The following XNDC1N variants were observed in gnomAD, a reference collection of about 807,000 sequenced individuals.
XNDC1N encodes protein XNDC1N.
At chr11:71,890,491 C>T in the XNDC1N span, among the ~76,000 whole-genome samples, 5 of 151,998 alleles carry the variant, frequency 3.3e-5, no homozygotes, top group African/African-American at 4.8e-5. Flanking sequence ...ATCATCCTCC[C>T]GCCCACTGGA....
the XNDC1N span, among the ~76,000 whole-genome samples, chr11:71,885,379 C>T: frequency 7.2e-5 from 11 of 152,130 alleles, no homozygotes; most frequent in Non-Finnish European, 1.3e-4. Context: ...TCAGCCCCTC[C>T]GCTTTGGAAT....
At chr11:71,884,923 T>G in the XNDC1N span, among the ~76,000 whole-genome samples, 1 of 146,564 alleles carries the variant, frequency 6.8e-6, no homozygotes, top group Non-Finnish European at 1.5e-5. Flanking sequence ...CTCTGACTCT[T>G]AGGACCCCCA....
the XNDC1N span, among the ~76,000 whole-genome samples, chr11:71,872,547 C>T: frequency 3.3e-4 from 29 of 87,722 alleles, no homozygotes; most frequent in East Asian, 9.2e-3. Flanking sequence ...CAGGAGGAAA[C>T]CCCATCTCTA....
chr11:71,917,285 A>G, the XNDC1N span: 1 of 678,336 alleles, frequency 1.5e-6, no homozygotes, highest in East Asian at 2.7e-5. Context: ...AAGTGCTGGG[A>G]TTACAGGCAT....
the XNDC1N span, among the ~76,000 whole-genome samples, chr11:71,883,417 A>G: frequency 1.3e-5 from 2 of 152,312 alleles, no homozygotes; most frequent in East Asian, 3.9e-4. Flanking sequence ...AAGAGAATAG[A>G]GGGCCAAGAA....
the XNDC1N span, among the ~76,000 whole-genome samples, chr11:71,874,779 T>C: frequency 6.6e-6 from 1 of 152,248 alleles, no homozygotes; most frequent in Non-Finnish European, 1.5e-5. Flanking sequence ...TAACAACTGA[T>C]GGAGTGATTT....
At chr11:71,902,213 C>T in the XNDC1N span, among the ~76,000 whole-genome samples, 1 of 152,142 alleles carries the variant, frequency 6.6e-6, no homozygotes, top group African/African-American at 2.4e-5. Flanking sequence ...TTTTTTGAGA[C>T]GGAGTTTTGC....
chr11:71,919,129 C>A, the XNDC1N span: 1 of 647,608 alleles, frequency 1.5e-6, no homozygotes, highest in Non-Finnish European at 2.8e-6. Flanking sequence ...TCCCAGTCAT[C>A]CTAACATGAT....
the XNDC1N span, chr11:71,884,500 C>T: frequency 1.3e-4 from 206 of 1,610,086 alleles, 1 homozygote; most frequent in East Asian, 3.0e-3. Context: ...AGATACTGTG[C>T]TGACTTCAGC....
the XNDC1N span, among the ~76,000 whole-genome samples, chr11:71,914,000 C>T: frequency 1.3e-5 from 2 of 152,338 alleles, no homozygotes; most frequent in African/African-American, 4.8e-5. Context: ...CTTTTCAAAA[C>T]ATTTATGCTC....
At chr11:71,903,179 T>C in the XNDC1N span, 1 of 704,024 alleles carries the variant, frequency 1.4e-6, no homozygotes, top group Non-Finnish European at 2.6e-6. Context: ...AAGAGGGTTG[T>C]ATCCAAACGA....
the XNDC1N span, among the ~76,000 whole-genome samples, chr11:71,885,185 G>A: frequency 1.3e-5 from 2 of 150,832 alleles, no homozygotes; most frequent in African/African-American, 5.0e-5. Context: ...AGTATCAAAG[G>A]GGTGTTTCTA....
At chr11:71,875,725 T>C in the XNDC1N span, among the ~76,000 whole-genome samples, 50 of 150,148 alleles carry the variant, frequency 3.3e-4, no homozygotes, top group African/African-American at 1.2e-3. Context: ...AGGAAAACAA[T>C]GGATTTAGAA....
At chr11:71,899,715 A>G in the XNDC1N span, among the ~76,000 whole-genome samples, 1 of 152,198 alleles carries the variant, frequency 6.6e-6, no homozygotes, top group Non-Finnish European at 1.5e-5. Context: ...AAAGCGGCAT[A>G]TTGTCCAAGT....
the XNDC1N span, among the ~76,000 whole-genome samples, chr11:71,885,385 G>A: frequency 6.6e-6 from 1 of 152,072 alleles, no homozygotes; most frequent in Admixed American, 6.5e-5. Flanking sequence ...CCTCCGCTTT[G>A]GAATGTTATT....
the XNDC1N span, among the ~76,000 whole-genome samples, chr11:71,899,053 C>G: frequency 0.028 from 4,269 of 152,284 alleles, 71 homozygotes; most frequent in East Asian, 0.08. Flanking sequence ...TCTATGGACA[C>G]TCACTTTTCT....
the XNDC1N span, among the ~76,000 whole-genome samples, chr11:71,908,834 T>G: frequency 6.6e-6 from 1 of 152,012 alleles, no homozygotes; most frequent in African/African-American, 2.4e-5. Context: ...CAGCTGATTA[T>G]CAAAACGCCC....
At chr11:71,873,262 C>CT in the XNDC1N span, among the ~76,000 whole-genome samples, 6 of 151,884 alleles carry the variant, frequency 4.0e-5, no homozygotes, top group Non-Finnish European at 8.8e-5. Flanking sequence ...CATAAATGTC[C>CT]TTTTTTATAC....
At chr11:71,902,772 GAATA>G in the XNDC1N span, among the ~76,000 whole-genome samples, 2 of 152,306 alleles carry the variant, frequency 1.3e-5, no homozygotes, top group South Asian at 2.1e-4. Flanking sequence ...CAATCTCGTA[GAATA>G]AATAAAATAT....
Sources: allele counts gnomAD v4.1 joint callset (sites outside exome capture counted in the v4.1 genomes callset), GRCh38; gene constraint gnomAD v4.1.1; transcripts MANE v1.5; gene names NCBI Gene and HGNC (gene_info 2026-07-23, HGNC 2026-07-21).